The following FAM133B variants were observed in gnomAD, a reference collection of about 807,000 sequenced individuals.
FAM133B encodes protein FAM133B.
A neutral mutation model predicts 46.4 loss-of-function variants in FAM133B; 25 were observed. The observed-to-expected ratio is 0.54, with a 90% CI of 0.39 to 0.75. FAM133B has a LOEUF of 0.75. Ranked by LOEUF, FAM133B falls within the 30% of genes least tolerant of loss-of-function variation. FAM133B has a pLI of 0.00. For missense variants in FAM133B, 205 were observed against 277.6 expected (o/e 0.74, Z 1.86); for synonymous variants, 75 against 86.0 (o/e 0.87, Z 0.71).
At chr7:92,588,758 T>G (rs1416114707) in intron 1 of FAM133B, among the ~76,000 whole-genome samples, 1 of 152,148 alleles carries the variant, frequency 6.6e-6, no homozygotes, top group African/African-American at 2.4e-5. Flanking sequence ...TCCCCAGCAC[T>G]GCATAGAGAT....
chr7:92,590,349 G>A lies in FAM133B; in HGVS notation c.-58C>T, dbSNP rs906817900. ...GGGAAACCGGGCCGGAGAGACTGCC[G>A]AAGAGGGCCTGCCGCAGGTCCTCTT... On this transcript the variant is annotated 5_prime_UTR_variant, in exon 1 of 11. Coordinates refer to ENST00000445716, the MANE Select transcript of FAM133B (RefSeq NM_152789.4). The A allele has an allele frequency of 9.9e-6, 16 of 1,608,178 alleles. No individual in the cohort carries two copies. Among genetic ancestry groups the A allele is most frequent in the East Asian group, 2.2e-5 (1 of 44,584 alleles).
chr7:92,574,836 C>T (rs941369541), intron 8 of FAM133B, among the ~76,000 whole-genome samples: 4 of 150,118 alleles, frequency 2.7e-5, no homozygotes, highest in African/African-American at 7.4e-5. Context: ...ACCCGGGAAG[C>T]GGAGCTTGCA....
intron 5 of FAM133B, 154 bp from the exon 6 acceptor site, chr7:92,577,871 G>T: frequency 1.4e-6 from 1 of 705,166 alleles, no homozygotes; most frequent in Non-Finnish European, 2.4e-6. Context: ...TGTCACACTT[G>T]TTCCCTGTAC....
chr7:92,574,773 C>T (rs998338692), intron 8 of FAM133B, among the ~76,000 whole-genome samples: 14 of 151,690 alleles, frequency 9.2e-5, no homozygotes, highest in African/African-American at 1.7e-4. Context: ...GGCGCGGTGG[C>T]GGGCGCCTGT....
At chr7:92,562,731 CAT>C (rs921755981) in intron 10 of FAM133B, among the ~76,000 whole-genome samples, 3 of 152,066 alleles carry the variant, frequency 2.0e-5, no homozygotes, top group Non-Finnish European at 1.5e-5. Context: ...CAAATAAAAA[CAT>C]AATTGTTTTT....
At chr7:92,566,297 A>G (rs1794346802) in intron 9 of FAM133B, among the ~76,000 whole-genome samples, 1 of 152,148 alleles carries the variant, frequency 6.6e-6, no homozygotes, top group South Asian at 2.1e-4. Context: ...ATTCCCTTTC[A>G]GCACCTAAAA....
intron 10 of FAM133B, among the ~76,000 whole-genome samples, chr7:92,563,056 T>C (rs148646314): frequency 7.3e-4 from 111 of 152,274 alleles, no homozygotes; most frequent in African/African-American, 1.4e-3. Flanking sequence ...ATTTTTGTTA[T>C]AGAACGCAGA....
chr7:92,581,819 T>C (rs1794884932), intron 1 of FAM133B: 3 of 461,002 alleles, frequency 6.5e-6, no homozygotes, highest in African/African-American at 6.0e-5. Flanking sequence ...TGTGTGTGTG[T>C]GTGTGTGTGT....
intron 1 of FAM133B, chr7:92,590,003 G>C: frequency 1.8e-6 from 1 of 565,480 alleles, no homozygotes; most frequent in Non-Finnish European, 3.1e-6. Context: ...GCGTACAGCA[G>C]GCAAGAGTGC....
intron 7 of FAM133B, 120 bp downstream of exon 7, chr7:92,576,983 G>A (rs1430974626): frequency 6.0e-6 from 3 of 498,572 alleles, no homozygotes; most frequent in Admixed American, 8.2e-5. Flanking sequence ...CAATTAAGTG[G>A]CATAGAACAT....
intron 8 of FAM133B, among the ~76,000 whole-genome samples, chr7:92,573,057 T>G (rs958885673): frequency 4.0e-5 from 6 of 151,794 alleles, no homozygotes; most frequent in African/African-American, 1.2e-4. Flanking sequence ...TATTCTGTTA[T>G]TTATGAACAC....
At chr7:92,577,526 T>C in intron 6 of FAM133B, 129 bp downstream of exon 6, 1 of 678,924 alleles carries the variant, frequency 1.5e-6, no homozygotes. Flanking sequence ...ATGTTAGTCC[T>C]CTAAGTTATG....
intron 3 of FAM133B, among the ~76,000 whole-genome samples, chr7:92,578,704 A>G (rs1794775060): frequency 6.6e-6 from 1 of 152,198 alleles, no homozygotes; most frequent in South Asian, 2.1e-4. Flanking sequence ...GTAAAAGTTG[A>G]ATTAATCATT....
intron 9 of FAM133B, among the ~76,000 whole-genome samples, chr7:92,567,139 C>A (rs1264335132): frequency 6.6e-6 from 1 of 152,106 alleles, no homozygotes; most frequent in East Asian, 1.9e-4. Flanking sequence ...ATCACTTGAG[C>A]CCAGGAGTTC....
At chr7:92,589,818 G>C in intron 1 of FAM133B, 1 of 165,442 alleles carries the variant, frequency 6.0e-6, no homozygotes, top group Non-Finnish European at 1.3e-5. Flanking sequence ...CGAGGCCTCT[G>C]TGCCTCCCTC....
Position 92,590,346 on chromosome 7 carries a change from G to A in FAM133B, c.-55C>T, listed in dbSNP as rs1387898949. The A allele has an allele frequency of 6.8e-6, 11 of 1,608,432 alleles. No individual in the cohort carries two copies. Among genetic ancestry groups the A allele is most frequent in the Non-Finnish European group, 7.6e-6 (9 of 1,178,078 alleles). ...CGAGGGAAACCGGGCCGGAGAGACT[G>A]CCGAAGAGGGCCTGCCGCAGGTCCT... On this transcript the variant is annotated 5_prime_UTR_variant, in exon 1 of 11. Transcript: ENST00000445716.
At chr7:92,582,317 C>CATAAA (rs1794911312) in intron 1 of FAM133B, among the ~76,000 whole-genome samples, 1 of 131,848 alleles carries the variant, frequency 7.6e-6, no homozygotes, top group African/African-American at 3.0e-5. Flanking sequence ...CATAAAATAA[C>CATAAA]ATAACATAAA....
At chr7:92,567,779 T>G (rs1794402893) in intron 9 of FAM133B, among the ~76,000 whole-genome samples, 1 of 152,178 alleles carries the variant, frequency 6.6e-6, no homozygotes, top group African/African-American at 2.4e-5. Context: ...AATTTTTTTT[T>G]TTTTGACAAA....
Position 92,562,248 on chromosome 7 carries a change from T to C in FAM133B, c.*34A>G. ...GTTGAAATTTCCTCAGACATTGCAC[T>C]TTCTTTATAAGGGAATCCTGATTTT... On this transcript the variant is annotated 3_prime_UTR_variant, in exon 11 of 11. Coordinates refer to ENST00000445716, the MANE Select transcript of FAM133B (RefSeq NM_152789.4). The C allele has an allele frequency of 6.6e-7, 1 of 1,505,074 alleles. No individual in the cohort carries two copies. Among genetic ancestry groups the C allele is most frequent in the Non-Finnish European group, 8.8e-7 (1 of 1,137,686 alleles). The allele number at this position is 1,505,074 out of a possible 1,614,324, so 93.2% of individuals were successfully genotyped here. A position where few individuals can be genotyped will look rare whatever the true frequency, so the allele number is the denominator to read the frequency against.
Sources: allele counts gnomAD v4.1 joint callset (sites outside exome capture counted in the v4.1 genomes callset), GRCh38; gene constraint gnomAD v4.1.1; transcripts MANE v1.5; gene names NCBI Gene and HGNC (gene_info 2026-07-23, HGNC 2026-07-21).